Variants in IPO11 observed in about 807,000 individuals in gnomAD.
IPO11 encodes the protein importin 11.
A neutral mutation model predicts 143.2 loss-of-function variants in IPO11; 66 were observed. The ratio of observed to expected loss-of-function variants is 0.46; its 90% CI spans 0.38 to 0.57. IPO11 has a LOEUF of 0.57. Among genes scored for constraint, IPO11 ranks in the 20% least tolerant of loss-of-function variants. The pLI is 0.00. For missense variants in IPO11, 1,026 were observed against 1,141.0 expected (o/e 0.90, Z 1.45); for synonymous variants, 385 against 377.8 (o/e 1.02, Z -0.22).
chr5:62,511,253 T>G (rs1741739142), intron 19 of IPO11, among the ~76,000 whole-genome samples: 1 of 152,202 alleles, frequency 6.6e-6, no homozygotes, highest in Non-Finnish European at 1.5e-5. Context: ...AACTACCTCA[T>G]TTTCCTTACC....
At chr5:62,442,863 A>AAAAACAAAAC (rs70981008) in intron 2 of IPO11, 120 bp from the exon 3 acceptor site, 228,934 of 466,908 alleles carry the variant, frequency 0.49, 60,952 homozygotes, top group African/African-American at 0.59. Context: ...AAACTGTCTC[A>AAAAACAAAAC]AAAACAAAAC....
chr5:62,433,261 A>G (rs1264569587), intron 1 of IPO11, among the ~76,000 whole-genome samples: 1 of 152,130 alleles, frequency 6.6e-6, no homozygotes, highest in Non-Finnish European at 1.5e-5. Flanking sequence ...AGATAATACA[A>G]ATATTCTGAA....
At chr5:62,578,910 T>C (rs562519084) in intron 27 of IPO11, 1 of 255,224 alleles carries the variant, frequency 3.9e-6, no homozygotes, top group African/African-American at 2.3e-5. Flanking sequence ...CAGCTGAGTG[T>C]TAATAATACG....
chr5:62,468,095 A>G (rs895790745), intron 6 of IPO11, among the ~76,000 whole-genome samples: 1 of 152,058 alleles, frequency 6.6e-6, no homozygotes, highest in Non-Finnish European at 1.5e-5. Context: ...CTACAGGCAC[A>G]TGCCACTGCA....
chr5:62,463,500 C>T (rs904994595), intron 5 of IPO11, among the ~76,000 whole-genome samples: 3 of 151,488 alleles, frequency 2.0e-5, no homozygotes, highest in Admixed American at 1.3e-4. Flanking sequence ...CCTATCTCTA[C>T]AAAAAATAAA....
chr5:62,546,197 C>G (rs575976799), intron 24 of IPO11, among the ~76,000 whole-genome samples: 137 of 152,252 alleles, frequency 9.0e-4, no homozygotes, highest in Non-Finnish European at 1.6e-3. Flanking sequence ...TGGAACCAAC[C>G]CAAATGTCCA....
intron 21 of IPO11, 43 bp from the exon 22 acceptor site, chr5:62,530,666 A>G (rs1450139536): frequency 8.0e-7 from 1 of 1,243,500 alleles, no homozygotes; most frequent in Non-Finnish European, 1.2e-6. Context: ...AATGGCTTTA[A>G]TGGGCATGGA....
At chr5:62,526,056 A>G (rs996733252) in intron 20 of IPO11, 86 bp from the exon 21 acceptor site, 1 of 781,704 alleles carries the variant, frequency 1.3e-6, no homozygotes, top group East Asian at 2.7e-5. Flanking sequence ...AATTGGTTTT[A>G]GGGCTTTTTG....
intron 16 of IPO11, 134 bp downstream of exon 16, chr5:62,494,258 C>G: frequency 1.6e-6 from 1 of 632,478 alleles, no homozygotes; most frequent in African/African-American, 1.9e-5. Context: ...CCTTGGTGAG[C>G]AGTTTGATTT....
chr5:62,497,240 A>AC (rs1318726131), intron 16 of IPO11, among the ~76,000 whole-genome samples: 1 of 152,186 alleles, frequency 6.6e-6, no homozygotes. Context: ...GAGCAGGGCT[A>AC]CCCCATAGGC....
At chr5:62,622,497 G>T (rs1395175991) in intron 29 of IPO11, among the ~76,000 whole-genome samples, 2 of 152,120 alleles carry the variant, frequency 1.3e-5, no homozygotes, top group African/African-American at 4.8e-5. Flanking sequence ...TAGTAAATGT[G>T]GATATTGTAT....
chr5:62,422,890 C>T (rs993693927), intron 1 of IPO11, among the ~76,000 whole-genome samples: 3 of 151,940 alleles, frequency 2.0e-5, no homozygotes, highest in Non-Finnish European at 2.9e-5. Context: ...TTTAGTTAAT[C>T]GATGTATCTC....
chr5:62,419,224 C>A, intron 1 of IPO11: 2 of 1,306,284 alleles, frequency 1.5e-6, no homozygotes, highest in Non-Finnish European at 2.0e-6. Context: ...AGGGCACTTA[C>A]CTCGAATGGA....
chr5:62,545,430 C>T (rs1007936601), intron 24 of IPO11, among the ~76,000 whole-genome samples: 12 of 152,124 alleles, frequency 7.9e-5, no homozygotes, highest in Admixed American at 2.6e-4. Flanking sequence ...CTTCCTTACA[C>T]CTTATACAAA....
intron 16 of IPO11, among the ~76,000 whole-genome samples, chr5:62,496,520 G>A (rs1741165567): frequency 6.6e-6 from 1 of 152,150 alleles, no homozygotes; most frequent in Admixed American, 6.5e-5. Context: ...CACCCAGTTA[G>A]TGGTTAGTGT....
At chr5:62,430,487 A>C (rs1743943646) in intron 1 of IPO11, among the ~76,000 whole-genome samples, 1 of 151,464 alleles carries the variant, frequency 6.6e-6, no homozygotes, top group Non-Finnish European at 1.5e-5. Flanking sequence ...CACCTGACTA[A>C]CTTTTTCTAT....
At chr5:62,507,429 C>T (rs192316789) in intron 19 of IPO11, among the ~76,000 whole-genome samples, 1 of 152,098 alleles carries the variant, frequency 6.6e-6, no homozygotes, top group Admixed American at 6.5e-5. Context: ...TTTGGTCACA[C>T]AGAGTTCATT....
intron 5 of IPO11, among the ~76,000 whole-genome samples, chr5:62,458,868 C>G (rs898484667): frequency 2.6e-5 from 4 of 152,140 alleles, no homozygotes; most frequent in Admixed American, 1.3e-4. Flanking sequence ...TTCATAAAGC[C>G]TCTTGTCTGA....
intron 5 of IPO11, among the ~76,000 whole-genome samples, chr5:62,461,357 A>T (rs1745351001): frequency 6.6e-6 from 1 of 152,204 alleles, no homozygotes; most frequent in South Asian, 2.1e-4. Flanking sequence ...GATATTGATG[A>T]TATCAATGTC....
Sources: gnomAD v4.1 joint callset for allele counts (sites outside exome capture counted in the v4.1 genomes callset) on GRCh38, gnomAD v4.1.1 for gene constraint, MANE v1.5 for transcripts, NCBI Gene and HGNC (gene_info 2026-07-23, HGNC 2026-07-21) for gene names.